SVEP1: variants seen among roughly 807,000 people sequenced by gnomAD.
The protein encoded by SVEP1 is sushi, von Willebrand factor type A, EGF and pentraxin domain-containing protein 1.
SVEP1 carries 164 observed loss-of-function variants against 367.3 expected under a neutral mutation model. The ratio of observed to expected loss-of-function variants is 0.45; its 90% CI spans 0.39 to 0.51. The LOEUF (loss-of-function observed/expected upper bound fraction) is 0.51, where lower values mean the gene tolerates loss of function less well. Among genes scored for constraint, SVEP1 ranks in the 20% least tolerant of loss-of-function variants. SVEP1 has a pLI of 0.00. For missense variants in SVEP1, 4,117 were observed against 4,425.3 expected (o/e 0.93, Z 1.98); for synonymous variants, 1,666 against 1,611.6 (o/e 1.03, Z -0.81).
chr9:110,470,725 C>T (rs10817024), intron 16 of SVEP1, among the ~76,000 whole-genome samples: 36,967 of 150,490 alleles, frequency 0.25, 4,925 homozygotes, highest in Non-Finnish European at 0.3. Flanking sequence ...CATGAGCTAC[C>T]GAGCCTGGCC....
rs1381359574 is a variant in SVEP1 at position 110,555,426 on chromosome 9, TGTTTTGTATA to T, written c.532-5332_532-5323del. On this transcript the variant is annotated intron_variant, in intron 1 of 47. Transcript: ENST00000374469. ...GTGTCTGGGTACATGCACGTGTGTA[TGTTTTGTATA>T]GTTTTGTACACCAAAGATAAAATTA... Among the ~76,000 whole-genome samples the T allele has an allele frequency of 3.9e-5, 6 of 152,330 alleles. No homozygotes were observed. In the East Asian group the frequency reaches 7.7e-4, roughly 20 times the overall value.
rs147626814 is a variant in SVEP1 at position 110,572,164 on chromosome 9, A to G, written c.531+6849T>C. ...GGTGATAAATCAGAAGACTGGATAGACTGTCTTTGGCATTTACTTAGCTAT... is the reference window on the plus strand; with the variant it reads ...GGTGATAAATCAGAAGACTGGATAGGCTGTCTTTGGCATTTACTTAGCTAT... On this transcript the variant is annotated intron_variant, in intron 1 of 47. Coordinates refer to ENST00000374469, the MANE Select transcript of SVEP1 (RefSeq NM_153366.4). Among the ~76,000 whole-genome samples, 32 of 152,334 alleles carry G rather than the reference A, an allele frequency of 2.1e-4. No homozygotes were observed. The East Asian group carries it at 5.6e-3, about 27-fold the overall frequency.
chr9:110,572,079 G>C (rs950651031), intron 1 of SVEP1, among the ~76,000 whole-genome samples: 9 of 151,440 alleles, frequency 5.9e-5, no homozygotes, highest in African/African-American at 2.2e-4. Context: ...CTTAGCTTTT[G>C]ATACCTACCT....
intron 18 of SVEP1, among the ~76,000 whole-genome samples, chr9:110,464,686 G>GT (rs1828908713): frequency 6.6e-6 from 1 of 152,010 alleles, no homozygotes; most frequent in Non-Finnish European, 1.5e-5. Flanking sequence ...ATTCAATGTG[G>GT]GAACAGCTTC....
At chr9:110,422,523 G>A (rs1260976770) in intron 36 of SVEP1, among the ~76,000 whole-genome samples, 48 of 26,666 alleles carry the variant, frequency 1.8e-3, no homozygotes, top group African/African-American at 8.1e-3. Flanking sequence ...CTGTTGGTGG[G>A]ACTGTAAACT....
chr9:110,496,243 T>C (rs965407155), intron 8 of SVEP1, among the ~76,000 whole-genome samples: 2 of 152,192 alleles, frequency 1.3e-5, no homozygotes, highest in African/African-American at 4.8e-5. Flanking sequence ...TTCCTGGGTG[T>C]GTCTGTGAGG....
intron 1 of SVEP1, among the ~76,000 whole-genome samples, chr9:110,555,404 T>C (rs1304661906): frequency 1.3e-5 from 2 of 152,180 alleles, no homozygotes; most frequent in African/African-American, 4.8e-5. Flanking sequence ...AGTTAGTGTG[T>C]CTGGGTACAT....
rs200203662 is a variant in SVEP1, at chr9:110,579,502, G to T, written c.42C>A (p.Leu14=). Residue 14 remains leucine, a synonymous_variant, in exon 1 of 48, where the codon CTC becomes CTA. Coordinates refer to ENST00000374469, the MANE Select transcript of SVEP1 (RefSeq NM_153366.4). The surrounding 1 kb of genome is among the most constrained non-coding windows in gnomAD (Gnocchi z 5.3). ...RLAFCCWGLA[L]VSGWATFQQM... ...GCTGAAAGGTCGCCCAGCCCGAAACGAGCGCCAGACCCCAGCAACAAAAGG... is the reference window on the plus strand; with the variant it reads ...GCTGAAAGGTCGCCCAGCCCGAAACTAGCGCCAGACCCCAGCAACAAAAGG... The T allele has an allele frequency of 2.8e-4, 454 of 1,605,610 alleles. No individual in the cohort carries two copies. In the African/African-American group the frequency reaches 5.3e-3, roughly 19 times the overall value.
intron 3 of SVEP1, among the ~76,000 whole-genome samples, chr9:110,521,206 T>C (rs117963654): frequency 3.9e-5 from 6 of 152,344 alleles, no homozygotes; most frequent in Admixed American, 1.3e-4. Flanking sequence ...GCCAAGATCC[T>C]TTCTATTTTC....
chr9:110,438,251 A>C (rs956687841), intron 27 of SVEP1, among the ~76,000 whole-genome samples: 2 of 132,224 alleles, frequency 1.5e-5, no homozygotes, highest in Admixed American at 1.9e-4. Flanking sequence ...CAGTGGTGCG[A>C]TCTCAGCTCA....
At chr9:110,367,519 TA>T (rs1214057619) in intron 47 of SVEP1, among the ~76,000 whole-genome samples, 1 of 152,202 alleles carries the variant, frequency 6.6e-6, no homozygotes, top group Non-Finnish European at 1.5e-5. Context: ...GAAAAACTTA[TA>T]CGGTAACATT....
rs771664102 is a variant in SVEP1 at position 110,408,885 on chromosome 9, C to T, written c.6715G>A (p.Gly2239Arg). ...GCTTGGCAGACAAATACAGGACTTC[C>T]GACTGACTTATAGCCCGGGTTACAC... ...YQCNPGYKSV[G>R]SPVFVCQANR... is the part of the protein sequence containing the mutation. The change falls in exon 38 of 48, where the codon GGA becomes AGA. Residue 2239 changes from glycine to arginine, a missense_variant. Gly to Arg is a moderately radical substitution (Grantham distance 125, BLOSUM62 -2). Transcript: ENST00000374469. 26 of 1,613,122 alleles carry T rather than the reference C, an allele frequency of 1.6e-5. No homozygotes were observed. The highest frequency in any genetic ancestry group is 1.6e-4 in the Middle Eastern group (1 of 6,080).
chr9:110,457,828 T>C (rs1419200330), intron 20 of SVEP1, among the ~76,000 whole-genome samples: 1 of 152,186 alleles, frequency 6.6e-6, no homozygotes, highest in African/African-American at 2.4e-5. Flanking sequence ...AGTCATTATG[T>C]TTGGACTAGG....
Position 110,365,654 on chromosome 9 carries a change from A to G in SVEP1, c.*885T>C, listed in dbSNP as rs938195883. ...TTAGGTGGCTGCAATTCTTTTTTGC[A>G]GGTGAGACCAGGAGCACAGCTCTGG... is the stretch of plus-strand genomic sequence containing the variant. On this transcript the variant is annotated 3_prime_UTR_variant, in exon 48 of 48. Coordinates refer to ENST00000374469, the MANE Select transcript of SVEP1 (RefSeq NM_153366.4). 1.1e-4 allele frequency: 16 copies of G among 152,280 alleles called. No homozygotes were observed. The highest frequency in any genetic ancestry group is 3.4e-4 in the African/African-American group (14 of 41,458). The allele number at this position is 152,280 out of a possible 1,614,324, so 9.4% of individuals were successfully genotyped here. A position where few individuals can be genotyped will look rare whatever the true frequency, so the allele number is the denominator to read the frequency against.
chr9:110,370,564 G>A (rs1827260526), intron 46 of SVEP1, among the ~76,000 whole-genome samples: 1 of 152,138 alleles, frequency 6.6e-6, no homozygotes, highest in African/African-American at 2.4e-5. Flanking sequence ...GTTTGGAGAG[G>A]AGACATATTT....
intron 47 of SVEP1, among the ~76,000 whole-genome samples, chr9:110,368,538 A>G (rs1337980122): frequency 1.3e-5 from 2 of 152,200 alleles, no homozygotes; most frequent in African/African-American, 4.8e-5. Flanking sequence ...CCTTTCCTCA[A>G]TCAAGAAAGA....
chr9:110,529,020 A>C (rs1435112629), intron 3 of SVEP1, among the ~76,000 whole-genome samples: 1 of 152,030 alleles, frequency 6.6e-6, no homozygotes, highest in African/African-American at 2.4e-5. Context: ...CTTAGATTTA[A>C]GTCTTTCATC....
chr9:110,392,457 A>C (rs1469273772), intron 40 of SVEP1, among the ~76,000 whole-genome samples: 1 of 152,054 alleles, frequency 6.6e-6, no homozygotes, highest in African/African-American at 2.4e-5. Context: ...GTTTTCATAG[A>C]TGGGGTTGTT....
At chr9:110,387,510 C>T in intron 41 of SVEP1, 52 bp from the exon 42 acceptor site, 1 of 1,488,966 alleles carries the variant, frequency 6.7e-7, no homozygotes. Context: ...ATTCCTCTTT[C>T]CTTCTTTTCC....
Sources: gnomAD v4.1 joint callset for allele counts (sites outside exome capture counted in the v4.1 genomes callset) on GRCh38, gnomAD v4.1.1 for gene constraint, Gnocchi (gnomAD v3.1) non-coding constraint, MANE v1.5 for transcripts, NCBI Gene and HGNC (gene_info 2026-07-23, HGNC 2026-07-21) for gene names.